GLYATL2: variants seen among roughly 807,000 people sequenced by gnomAD.
GLYATL2 encodes glycine-N-acyltransferase like 2.
GLYATL2 carries 25 observed loss-of-function variants against 21.4 expected under a neutral mutation model. The ratio of observed to expected loss-of-function variants is 1.17; its 90% confidence interval spans 0.85 to 1.63. The LOEUF is 1.63. GLYATL2 is among the 40% of genes most tolerant of loss of function. The pLI is 0.00. For missense variants in GLYATL2, 361 were observed against 343.3 expected (o/e 1.05, Z -0.41); for synonymous variants, 114 against 118.2 (o/e 0.96, Z 0.23).
At chr11:58,869,041 GCTCCTCTCCATTTGAGAAAT>G (rs1237163513) in intron 1 of GLYATL2, among the ~76,000 whole-genome samples, 5,730 of 138,864 alleles carry the variant, frequency 0.041, 559 homozygotes, top group East Asian at 0.21. Flanking sequence ...GGTGGGATCA[GCTCCTCTCCATTTGAGAAAT>G]TCTGTAGGAA....
chr11:58,904,866 C>A (rs1471459033), upstream of GLYATL2, among the ~76,000 whole-genome samples: 1 of 152,208 alleles, frequency 6.6e-6, no homozygotes, highest in African/African-American at 2.4e-5. Flanking sequence ...ATAATTTTCA[C>A]CATCATCTAT....
At chr11:58,871,931 C>A (rs997066287) in intron 1 of GLYATL2, among the ~76,000 whole-genome samples, 1 of 152,184 alleles carries the variant, frequency 6.6e-6, no homozygotes, top group Admixed American at 6.5e-5. Flanking sequence ...TTCTCCACAT[C>A]CTCTCCAGCA....
chr11:58,882,258 T>G (rs1854351887), intron 1 of GLYATL2, among the ~76,000 whole-genome samples: 1 of 152,212 alleles, frequency 6.6e-6, no homozygotes, highest in South Asian at 2.1e-4. Context: ...TCCTGACTTT[T>G]TAATGATCAC....
intron 1 of GLYATL2, among the ~76,000 whole-genome samples, chr11:58,882,391 G>A (rs1172270357): frequency 1.3e-5 from 2 of 152,160 alleles, no homozygotes; most frequent in Admixed American, 1.3e-4. Context: ...TTTGAGAAGT[G>A]TCTGTTCATA....
chr11:58,841,271 T>C (rs1173402324), intron 1 of GLYATL2, among the ~76,000 whole-genome samples: 2 of 152,168 alleles, frequency 1.3e-5, no homozygotes, highest in East Asian at 3.8e-4. Context: ...GGAAGCACAG[T>C]GGTTAACAAC....
chr11:58,899,828 T>TATAC (rs1554981267), intron 1 of GLYATL2, among the ~76,000 whole-genome samples: 87 of 152,204 alleles, frequency 5.7e-4, no homozygotes, highest in Middle Eastern at 3.4e-3. Context: ...TATATATATA[T>TATAC]ACACACACAT....
At position 58,867,817 on chromosome 11, in the gene GLYATL2, C is replaced by A. The variant is rs1252631467; in HGVS notation, n.61-29449G>T. 1.3e-5 allele frequency among the ~76,000 whole-genome samples: 2 copies of A among 148,956 alleles called. 1 individual carries two copies. Among genetic ancestry groups the A allele is most frequent in the East Asian group, 4.4e-4 (2 of 4,520 alleles). ...AAACCTTTCGGTTTTGAACCACAGA[C>A]TAGATATATCAGAGAAGTGGACTTG... On this transcript the variant is annotated intron_variant and non_coding_transcript_variant, in intron 1 of 4. Transcript: ENST00000533636.
At chr11:58,885,516 T>A (rs1408407301) in intron 1 of GLYATL2, 2 of 492,050 alleles carry the variant, frequency 4.1e-6, no homozygotes, top group Non-Finnish European at 8.2e-6. Flanking sequence ...GAGTATCAGA[T>A]AGTTATTATC....
rs115480798 is a variant in GLYATL2 at position 58,843,376 on chromosome 11, G to C, written c.-41+1058C>G. The stretch of plus-strand genomic sequence containing the variant: ...TGTTAATGGGAGAAAGAGTGGACTA[G>C]AATTAGCAAGGACTAGCAAGCATGC... On this transcript the variant is annotated intron_variant, in intron 1 of 5. Coordinates refer to ENST00000287275, the MANE Select transcript of GLYATL2 (RefSeq NM_145016.4). Among the ~76,000 whole-genome samples the C allele has an allele frequency of 7.5e-3, 1,141 of 152,258 alleles. 17 individuals carry two copies. Among genetic ancestry groups the C allele is most frequent in the African/African-American group, 0.026 (1,100 of 41,558 alleles).
chr11:58,866,758 T>G (rs1362300997), intron 1 of GLYATL2, among the ~76,000 whole-genome samples: 4 of 149,236 alleles, frequency 2.7e-5, no homozygotes, highest in Non-Finnish European at 5.9e-5. Flanking sequence ...TGCACAGGCA[T>G]CTAGTCACTG....
intron 1 of GLYATL2, among the ~76,000 whole-genome samples, chr11:58,881,259 G>A (rs1854329066): frequency 6.6e-6 from 1 of 152,130 alleles, no homozygotes; most frequent in South Asian, 2.1e-4. Flanking sequence ...AACACTTTGA[G>A]GTTCTGATTC....
intron 1 of GLYATL2, among the ~76,000 whole-genome samples, chr11:58,871,439 C>G (rs1039362744): frequency 1.4e-5 from 2 of 144,578 alleles, no homozygotes; most frequent in African/African-American, 5.1e-5. Flanking sequence ...CCCCCCTCCC[C>G]CACCCCACAA....
chr11:58,834,543 A>G lies in GLYATL2; in HGVS notation c.771T>C (p.Tyr257=). The G allele has an allele frequency of 6.2e-7, 1 of 1,613,942 alleles. No homozygotes were observed. Among genetic ancestry groups the G allele is most frequent in the Non-Finnish European group, 8.5e-7 (1 of 1,179,854 alleles). Residue 257 remains tyrosine (Y), a synonymous_variant, in exon 6 of 6, where the codon TAT becomes TAC. Transcript: ENST00000287275. Reference sequence around the variant, plus strand: ...TCTCATTATTATCTGCCACATGGAAATAAAATGGGATTTCTTTCTGAGAAA... The same window carrying G: ...TCTCATTATTATCTGCCACATGGAAGTAAAATGGGATTTCTTTCTGAGAAA... ...KYLSQKEIPF[Y]FHVADNNEKS...
At chr11:58,866,145 A>G (rs1165440783) in intron 1 of GLYATL2, among the ~76,000 whole-genome samples, 1 of 149,014 alleles carries the variant, frequency 6.7e-6, no homozygotes, top group African/African-American at 2.4e-5. Flanking sequence ...TGTCCTCTCC[A>G]TGAAGTACCT....
chr11:58,841,777 T>C (rs1853557876), intron 1 of GLYATL2, among the ~76,000 whole-genome samples: 2 of 152,138 alleles, frequency 1.3e-5, no homozygotes, highest in Admixed American at 1.3e-4. Flanking sequence ...AGGAGAGCAA[T>C]CAACTTCAAG....
intron 1 of GLYATL2, among the ~76,000 whole-genome samples, chr11:58,853,794 A>G (rs1482974936): frequency 6.6e-6 from 1 of 152,230 alleles, no homozygotes; most frequent in Non-Finnish European, 1.5e-5. Context: ...TATATGCACT[A>G]TCATATACTT....
intron 1 of GLYATL2, among the ~76,000 whole-genome samples, chr11:58,878,536 G>A (rs910569376): frequency 4.6e-5 from 7 of 152,328 alleles, no homozygotes; most frequent in East Asian, 3.9e-4. Context: ...AGCTGGCTTC[G>A]ATCCCCTTAG....
At chr11:58,877,236 C>T (rs58306490) in intron 1 of GLYATL2, among the ~76,000 whole-genome samples, 8,668 of 152,314 alleles carry the variant, frequency 0.057, 343 homozygotes, top group Non-Finnish European at 0.088. Context: ...TTGTGCTTCC[C>T]AGGTGAGGCG....
chr11:58,899,351 C>T (rs1019922609), intron 1 of GLYATL2, among the ~76,000 whole-genome samples: 26 of 152,134 alleles, frequency 1.7e-4, no homozygotes, highest in Admixed American at 1.6e-3. Flanking sequence ...TTAAGAACTC[C>T]TCACTGCCCC....
Sources: gnomAD v4.1 joint callset for allele counts (sites outside exome capture counted in the v4.1 genomes callset) on GRCh38, gnomAD v4.1.1 for gene constraint, MANE v1.5 for transcripts, NCBI Gene and HGNC (gene_info 2026-07-23, HGNC 2026-07-21) for gene names.